The following RYR1 variants were observed in gnomAD, a reference collection of about 807,000 sequenced individuals.
RYR1 encodes the protein central core disease of muscle.
Under a neutral mutation model 583.5 loss-of-function variants are expected in RYR1, and 342 were observed. The ratio of observed to expected loss-of-function variants is 0.59; its 90% CI spans 0.54 to 0.64. RYR1 has a LOEUF of 0.64. Among genes scored for constraint, RYR1 ranks in the 30% least tolerant of loss-of-function variants. The pLI, the probability that RYR1 is intolerant of heterozygous loss-of-function variation, is 0.00. For missense variants in RYR1, 6,032 were observed against 6,917.2 expected (o/e 0.87, Z 4.54); for synonymous variants, 2,791 against 2,822.5 (o/e 0.99, Z 0.35).
rs577154243 is a variant in RYR1 at position 38,474,856 on chromosome 19, T to C, written c.4161-462T>C. Reference sequence around the variant, plus strand: ...GGTTTTCAATGGGATTGAAAACCCATTGTGTCTCTTGGTGGATGTTTGGAA... The same window carrying C: ...GGTTTTCAATGGGATTGAAAACCCACTGTGTCTCTTGGTGGATGTTTGGAA... On this transcript the variant is annotated intron_variant, in intron 28 of 105. Transcript: ENST00000359596. Among the ~76,000 whole-genome samples the C allele has an allele frequency of 3.3e-5, 5 of 152,158 alleles. No individual in the cohort carries two copies. The South Asian group carries it at 1.0e-3, about 32-fold the overall frequency.
intron 1 of RYR1, among the ~76,000 whole-genome samples, chr19:38,435,062 A>T (rs1181928545): frequency 6.6e-6 from 1 of 152,164 alleles, no homozygotes; most frequent in Non-Finnish European, 1.5e-5. Context: ...AGCCCTAATA[A>T]GACCATGGCC....
chr19:38,523,683 C>T (rs1450431842), intron 69 of RYR1: 2 of 623,446 alleles, frequency 3.2e-6, no homozygotes, highest in South Asian at 1.9e-5. Context: ...TTCTTTCTTC[C>T]TCTCCCCATT....
At position 38,499,732 on chromosome 19, in the gene RYR1, G is replaced by A. The variant is rs1970016105; in HGVS notation, c.7125G>A (p.Gly2375=). 5.0e-6 allele frequency: 8 copies of A among 1,601,644 alleles called. No individual in the cohort carries two copies. Among genetic ancestry groups the A allele is most frequent in the Middle Eastern group, 1.8e-4 (1 of 5,474 alleles). Residue 2375 remains glycine (G), a synonymous_variant, in exon 44 of 106, where the codon GGG becomes GGA. Coordinates refer to ENST00000359596, the MANE Select transcript of RYR1 (RefSeq NM_000540.3). The surrounding 1 kb of genome is among the most constrained non-coding windows in gnomAD (Gnocchi z 7.3). The part of the protein sequence containing the change: ...GPALRGEGGS[G]LLAAIEEAIR... ...CCCTGCGGGGTGAGGGTGGCTCAGGGCTGCTGGCTGCCATCGAAGAGGCCA... is the reference window on the plus strand; with the variant it reads ...CCCTGCGGGGTGAGGGTGGCTCAGGACTGCTGGCTGCCATCGAAGAGGCCA...
intron 81 of RYR1, 171 bp from the exon 82 acceptor site, chr19:38,535,826 C>G (rs945435477): frequency 1.4e-6 from 1 of 715,864 alleles, no homozygotes; most frequent in Non-Finnish European, 2.5e-6. Flanking sequence ...CCTGGCCCAA[C>G]CATATGTCCT....
intron 89 of RYR1, among the ~76,000 whole-genome samples, chr19:38,554,688 G>A (rs898587876): frequency 1.3e-5 from 2 of 151,774 alleles, no homozygotes; most frequent in Admixed American, 6.6e-5. Flanking sequence ...GCCCAGGCTG[G>A]TCTTGAACTC....
chr19:38,558,694 G>C (rs751431981), intron 89 of RYR1, among the ~76,000 whole-genome samples: 1 of 152,018 alleles, frequency 6.6e-6, no homozygotes, highest in African/African-American at 2.4e-5. Flanking sequence ...CAGGAGAATC[G>C]CTTGAACCCT....
At chr19:38,582,868 TCCAGCTCCTCAA>T (rs1364567950) in intron 101 of RYR1, among the ~76,000 whole-genome samples, 1 of 152,122 alleles carries the variant, frequency 6.6e-6, no homozygotes, top group Non-Finnish European at 1.5e-5. Flanking sequence ...CAGGACAAAG[TCCAGCTCCTCAA>T]CCTGACATCT....
intron 63 of RYR1, 63 bp from the exon 64 acceptor site, chr19:38,514,963 G>A: frequency 1.8e-6 from 2 of 1,101,514 alleles, no homozygotes; most frequent in Non-Finnish European, 2.8e-6. Flanking sequence ...AGACAAGGGA[G>A]GTGGGGTGGG....
chr19:38,492,054 A>T (rs1484644171), intron 37 of RYR1, among the ~76,000 whole-genome samples: 1 of 152,236 alleles, frequency 6.6e-6, no homozygotes, highest in Non-Finnish European at 1.5e-5. Context: ...ATGAACAAAT[A>T]CATGAACATA....
Position 38,496,121 on chromosome 19 carries a change from A to G in RYR1, c.6549-94A>G. On this transcript the variant is annotated intron_variant, in intron 39 of 105. Transcript: ENST00000359596. The surrounding 1 kb of genome is among the most constrained non-coding windows in gnomAD (Gnocchi z 4.8). ...AGGCGGTGGTGCTAGGCACAGAGTG[A>G]GAGGGTCAAGAATGCCAACGCTGTC... is the stretch of plus-strand genomic sequence containing the variant. 1 of 1,007,802 alleles carries G rather than the reference A, an allele frequency of 9.9e-7. No individual in the cohort carries two copies. Among genetic ancestry groups the G allele is most frequent in the East Asian group, 2.4e-5 (1 of 41,204 alleles). The allele number at this position is 1,007,802 out of a possible 1,614,324, so 62.4% of individuals were successfully genotyped here.
At chr19:38,447,063 T>A (rs893056773) in intron 9 of RYR1, among the ~76,000 whole-genome samples, 2 of 151,690 alleles carry the variant, frequency 1.3e-5, no homozygotes, top group African/African-American at 4.8e-5. Flanking sequence ...ATAAAATAAA[T>A]AAAATAAAGA....
chr19:38,570,138 G>GT (rs1973647387), intron 93 of RYR1, among the ~76,000 whole-genome samples: 1 of 151,032 alleles, frequency 6.6e-6, no homozygotes, highest in South Asian at 2.1e-4. Flanking sequence ...TCGAGCCTGG[G>GT]TGACAGAGTG....
At chr19:38,498,227 AC>A in intron 42 of RYR1, among the ~76,000 whole-genome samples, 1 of 152,282 alleles carries the variant, frequency 6.6e-6, no homozygotes, top group Admixed American at 6.5e-5. Context: ...ATCGGTCACA[AC>A]AAGGGCTCTG....
Position 38,578,068 on chromosome 19 carries a change from G to A in RYR1, c.14303+20G>A. ...GACCTGGTGAGCCCAGGACACCCCT[G>A]CACAGGCCTGGGGCATGCAGGGGAG... On this transcript the variant is annotated intron_variant, in intron 98 of 105. Coordinates refer to ENST00000359596, the MANE Select transcript of RYR1 (RefSeq NM_000540.3). 5 of 1,613,956 alleles carry A rather than the reference G, an allele frequency of 3.1e-6. No homozygotes were observed. The highest frequency in any genetic ancestry group is 1.7e-4 in the Middle Eastern group (1 of 6,060).
chr19:38,565,574 G>A lies in RYR1; in HGVS notation c.13240G>A (p.Asp4414Asn), dbSNP rs1218477248. 2 of 1,474,372 alleles carry A rather than the reference G, an allele frequency of 1.4e-6. No individual in the cohort carries two copies. The highest frequency in any genetic ancestry group is 2.9e-5 in the East Asian group (1 of 34,392). The allele number at this position is 1,474,372 out of a possible 1,614,324, so 91.3% of individuals were successfully genotyped here. The stretch of plus-strand genomic sequence containing the variant: ...CGAGGGTGCCAGCGAGGGCGCTGGA[G>A]ACGCCGCGGAGGGCGCTGGAGACGA... ...DGEGASEGAG[D>N]AAEGAGDEEE... Residue 4414 changes from aspartate (D) to asparagine (N), a missense_variant, in exon 91 of 106, where the codon GAC becomes AAC. Physicochemically the swap from Asp to Asn is conservative, Grantham distance 23. Transcript: ENST00000359596. The surrounding 1 kb of genome is among the most constrained non-coding windows in gnomAD (Gnocchi z 4.7).
chr19:38,585,278 A>G (rs966085751), intron 102 of RYR1, among the ~76,000 whole-genome samples, 179 bp downstream of exon 102: 10 of 151,740 alleles, frequency 6.6e-5, no homozygotes, highest in South Asian at 6.3e-4. Context: ...CGAGGGTGTC[A>G]ATGGTACTAA....
At chr19:38,585,604 G>T (rs1974447323) in intron 102 of RYR1, among the ~76,000 whole-genome samples, 1 of 151,430 alleles carries the variant, frequency 6.6e-6, no homozygotes, top group Non-Finnish European at 1.5e-5. Context: ...CTCCTGATTA[G>T]CTGGGACTAC....
At position 38,502,634 on chromosome 19, in the gene RYR1, C is replaced by T. The variant is rs746348043; in HGVS notation, c.7742C>T (p.Ser2581Phe). The part of the protein sequence containing the change: ...GTEHRAIMVD[S>F]MLHTVYRLSR... ...GAACACCGCGCCATCATGGTGGACT[C>T]TATGCTGCATACCGTGTACCGCCTG... is the stretch of plus-strand genomic sequence containing the variant. The change falls in exon 48 of 106, where the codon TCT (serine) becomes TTT (phenylalanine). Residue 2581 changes from serine to phenylalanine, a missense_variant. By Grantham distance (155) the Ser-to-Phe change is radical. Transcript: ENST00000359596. 2.5e-6 allele frequency: 4 copies of T among 1,613,110 alleles called. No individual in the cohort carries two copies. Among genetic ancestry groups the T allele is most frequent in the Non-Finnish European group, 3.4e-6 (4 of 1,179,922 alleles).
At chr19:38,466,049 G>A (rs748643240) in intron 23 of RYR1, 42 bp from the exon 24 acceptor site, 3 of 1,570,092 alleles carry the variant, frequency 1.9e-6, no homozygotes, top group Admixed American at 1.8e-5. Context: ...CCCGGAAGTG[G>A]AGGTGAGGGC....
Sources: allele counts gnomAD v4.1 joint callset (sites outside exome capture counted in the v4.1 genomes callset), GRCh38; gene constraint gnomAD v4.1.1; non-coding constraint Gnocchi (gnomAD v3.1); transcripts MANE v1.5; gene names NCBI Gene and HGNC (gene_info 2026-07-23, HGNC 2026-07-21).